The following NECAB2 variants were observed in gnomAD, a reference collection of about 807,000 sequenced individuals.
NECAB2 encodes the protein N-terminal EF-hand calcium-binding protein 2.
Under a neutral mutation model 51.9 loss-of-function variants are expected in NECAB2, and 68 were observed. The ratio of observed to expected loss-of-function variants is 1.31; its 90% CI spans 1.08 to 1.60. The LOEUF is 1.60. Among genes scored for constraint, NECAB2 ranks in the 40% most tolerant of loss-of-function variants. NECAB2 has a pLI of 0.00. For synonymous variants in NECAB2, 329 were observed against 203.5 expected (o/e 1.62, Z -5.25); for missense variants, 854 against 490.3 (o/e 1.74, Z -7.00).
intron 3 of NECAB2, 142 bp from the exon 4 acceptor site, chr16:83,980,697 C>T: frequency 8.6e-7 from 1 of 1,157,688 alleles, no homozygotes; most frequent in Non-Finnish European, 1.2e-6. Flanking sequence ...CTGCTGCACC[C>T]TCTTCTGTAA....
Position 83,997,282 on chromosome 16 carries a change from C to T in NECAB2, c.849+13C>T, listed in dbSNP as rs1274825355. The stretch of plus-strand genomic sequence containing the variant: ...TGGCACCAACATGGTGAGGCCCCTT[C>T]CCACCTCTCTTCTGGGACCACATCC... On this transcript the variant is annotated intron_variant, in intron 9 of 12. Coordinates refer to ENST00000305202, the MANE Select transcript of NECAB2 (RefSeq NM_019065.3). 4 of 1,614,074 alleles carry T rather than the reference C, an allele frequency of 2.5e-6. No individual in the cohort carries two copies. The highest frequency in any genetic ancestry group is 1.3e-5 in the African/African-American group (1 of 75,014).
chr16:83,993,361 T>C (rs550662666), intron 6 of NECAB2: 90 of 152,300 alleles, frequency 5.9e-4, no homozygotes, highest in African/African-American at 1.9e-3. Context: ...TCGAGTTTGC[T>C]CCCTCCGCAA....
chr16:83,985,313 C>CAAAAAAAAAAAAAAAAA (rs71148868), intron 5 of NECAB2, among the ~76,000 whole-genome samples: 4 of 30,192 alleles, frequency 1.3e-4, no homozygotes, highest in Non-Finnish European at 1.6e-4. Context: ...ATCTCTGTCT[C>CAAAAAAAAAAAAAAAAA]AAAAAAAAAA....
intron 5 of NECAB2, among the ~76,000 whole-genome samples, chr16:83,983,364 C>A (rs1269362713): frequency 6.6e-6 from 1 of 152,174 alleles, no homozygotes; most frequent in African/African-American, 2.4e-5. Flanking sequence ...CTCTCATGTT[C>A]TAAAACGTCG....
intron 5 of NECAB2, among the ~76,000 whole-genome samples, chr16:83,986,914 A>T (rs1211072092): frequency 6.6e-6 from 1 of 152,152 alleles, no homozygotes; most frequent in Non-Finnish European, 1.5e-5. Context: ...TTAGGGTTGA[A>T]ACATTACCTC....
intron 8 of NECAB2, among the ~76,000 whole-genome samples, chr16:83,995,151 C>T (rs148889233): frequency 4.1e-4 from 62 of 152,296 alleles, no homozygotes; most frequent in African/African-American, 1.3e-3. Flanking sequence ...TGATATGGGA[C>T]GTCCACAGGT....
chr16:83,983,176 G>C (rs1337666673), intron 5 of NECAB2, among the ~76,000 whole-genome samples: 3 of 152,254 alleles, frequency 2.0e-5, no homozygotes, highest in Non-Finnish European at 4.4e-5. Flanking sequence ...TCTTTTGCTT[G>C]CGTATTTCCT....
intron 6 of NECAB2, among the ~76,000 whole-genome samples, chr16:83,991,080 T>G (rs1304005925): frequency 2.0e-5 from 3 of 151,904 alleles, no homozygotes; most frequent in Non-Finnish European, 4.4e-5. Flanking sequence ...CTCCCTGGGT[T>G]CAAGCAATTC....
Position 84,002,376 on chromosome 16 carries a change from A to C in NECAB2, c.*30A>C, listed in dbSNP as rs1567682929. On this transcript the variant is annotated 3_prime_UTR_variant, in exon 13 of 13. Transcript: ENST00000305202. The stretch of plus-strand genomic sequence containing the variant: ...CTCCCAGAGGCCCGTGGAGGAGCCC[A>C]CCAGCCCCTTCTTCTTGTGAAGGAA... The C allele has an allele frequency of 1.2e-6, 2 of 1,610,368 alleles. No homozygotes were observed. Among genetic ancestry groups the C allele is most frequent in the Non-Finnish European group, 8.5e-7 (1 of 1,177,928 alleles).
chr16:83,980,695 C>A, intron 3 of NECAB2, 144 bp from the exon 4 acceptor site: 1 of 1,129,552 alleles, frequency 8.9e-7, no homozygotes, highest in Non-Finnish European at 1.3e-6. Context: ...ACCTGCTGCA[C>A]CCTCTTCTGT....
intron 10 of NECAB2, among the ~76,000 whole-genome samples, chr16:84,000,421 G>C (rs180813005): frequency 6.6e-6 from 1 of 152,226 alleles, no homozygotes; most frequent in Non-Finnish European, 1.5e-5. Context: ...CCCGCTACTT[G>C]GAAGGCTGAA....
intron 2 of NECAB2, among the ~76,000 whole-genome samples, chr16:83,975,441 C>G (rs181181292): frequency 1.0e-3 from 154 of 152,226 alleles, no homozygotes; most frequent in African/African-American, 3.6e-3. Flanking sequence ...GACGCTAGCC[C>G]TGCCTCACGT....
At position 83,998,233 on chromosome 16, in the gene NECAB2, C is replaced by T. The variant is rs759775850; in HGVS notation, c.878C>T (p.Ala293Val). The change falls in exon 10 of 13, where the codon GCC becomes GTC. Residue 293 changes from alanine (A) to valine (V), a missense_variant. By Grantham distance (64) the Ala-to-Val change is moderately conservative (BLOSUM62 0). Transcript: ENST00000305202. ...CTGCAGCTGGTCCGGCAGGAGATGG[C>T]CGTGTGCCCCGAGCAACTGAGCGAG... ...MHLQLVRQEMAVCPEQLSEFL... is the reference protein window; with the variant it reads ...MHLQLVRQEMVVCPEQLSEFL... 9 of 1,611,586 alleles carry T rather than the reference C, an allele frequency of 5.6e-6. No individual in the cohort carries two copies. The highest frequency in any genetic ancestry group is 1.7e-5 in the Admixed American group (1 of 59,998).
intron 6 of NECAB2, among the ~76,000 whole-genome samples, chr16:83,991,385 G>C (rs945506915): frequency 1.1e-4 from 3 of 27,772 alleles, no homozygotes; most frequent in African/African-American, 3.9e-4. Flanking sequence ...TTTTTTTTTT[G>C]AGATCGAGTC....
At position 83,994,690 on chromosome 16, in the gene NECAB2, T is replaced by C. The variant is rs778815331; in HGVS notation, c.795+2T>C. 2 of 1,613,944 alleles carry C rather than the reference T, an allele frequency of 1.2e-6. No individual in the cohort carries two copies. Among genetic ancestry groups the C allele is most frequent in the South Asian group, 1.1e-5 (1 of 91,070 alleles). ...CTGATTGGGAGGCTGGAGAGCAAAG[T>C]AAGCCCTGGCCTGACCACGGCGTCT... On this transcript the variant is annotated splice_donor_variant, in intron 8 of 12. Coordinates refer to ENST00000305202, the MANE Select transcript of NECAB2 (RefSeq NM_019065.3). LOFTEE classifies it high-confidence loss of function.
rs1271197321 is a variant in NECAB2 at position 84,000,431 on chromosome 16, A to AGTGATTG, written c.963-292_963-286dup. Among the ~76,000 whole-genome samples, 5 of 152,252 alleles carry AGTGATTG rather than the reference A, an allele frequency of 3.3e-5. No individual in the cohort carries two copies. The East Asian group carries it at 9.6e-4, about 29-fold the overall frequency. On this transcript the variant is annotated intron_variant, in intron 10 of 12. Transcript: ENST00000305202. ...TAGTCCCCGCTACTTGGAAGGCTGA[A>AGTGATTG]GTGATTGTGCCACTGCACTCCAGCC... is the stretch of plus-strand genomic sequence containing the variant.
chr16:83,965,183 G>C (rs949617179), upstream of NECAB2: 1 of 1,613,344 alleles, frequency 6.2e-7, no homozygotes, highest in South Asian at 1.1e-5. Context: ...CGTGGAGTGG[G>C]GGACCCCCGA....
At chr16:83,993,214 G>A (rs1239103957) in intron 6 of NECAB2, among the ~76,000 whole-genome samples, 1 of 152,162 alleles carries the variant, frequency 6.6e-6, no homozygotes, top group African/African-American at 2.4e-5. Flanking sequence ...CAGGCTACTG[G>A]CTCAGACCCC....
At chr16:83,991,495 T>G (rs1303571103) in intron 6 of NECAB2, among the ~76,000 whole-genome samples, 4 of 151,016 alleles carry the variant, frequency 2.6e-5, no homozygotes. Context: ...GCCTCCCTAG[T>G]AGCTGGGATT....
Sources: allele counts gnomAD v4.1 joint callset (sites outside exome capture counted in the v4.1 genomes callset), GRCh38; gene constraint gnomAD v4.1.1; transcripts MANE v1.5; gene names NCBI Gene and HGNC (gene_info 2026-07-23, HGNC 2026-07-21).